The following MARCHF11 variants were observed in gnomAD, a reference collection of about 807,000 sequenced individuals.
MARCHF11 encodes E3 ubiquitin-protein ligase MARCHF11.
In MARCHF11, 29 loss-of-function variants were observed where a neutral mutation model predicts 37.3. The observed-to-expected ratio is 0.78, with a 90% CI of 0.58 to 1.06. MARCHF11 has a LOEUF of 1.06. MARCHF11 is among the 50% of genes least tolerant of loss of function. The probability of loss-of-function intolerance (pLI) is 0.00; values close to 1 mark genes in which losing one functional copy is unlikely to be tolerated. For missense variants in MARCHF11, 482 were observed against 533.4 expected (o/e 0.90, Z 0.95); for synonymous variants, 233 against 228.0 (o/e 1.02, Z -0.20).
At chr5:16,106,547 A>G (rs982909398) in intron 2 of MARCHF11, among the ~76,000 whole-genome samples, 2 of 152,152 alleles carry the variant, frequency 1.3e-5, no homozygotes, top group East Asian at 3.9e-4. Flanking sequence ...CTTTCTTTAC[A>G]TGAGTGACTT....
Position 16,153,701 on chromosome 5 carries a change from C to T in MARCHF11, c.693+24025G>A, listed in dbSNP as rs73044677. 3.3e-3 allele frequency among the ~76,000 whole-genome samples: 497 copies of T among 151,994 alleles called. 1 individual carries two copies. Among genetic ancestry groups the T allele is most frequent in the African/African-American group, 0.01 (435 of 41,518 alleles). ...TGGCTTAACATCTATTTATCCTTTC[C>T]TTAGTAAAAACAAACAACAAAATCC... On this transcript the variant is annotated intron_variant, in intron 2 of 3. Transcript: ENST00000332432.
intron 3 of MARCHF11, among the ~76,000 whole-genome samples, chr5:16,069,785 G>C (rs574962647): frequency 2.0e-5 from 3 of 152,104 alleles, no homozygotes; most frequent in Non-Finnish European, 4.4e-5. Flanking sequence ...TAAGTGTTTT[G>C]AGCATGTTTT....
chr5:16,151,821 C>T, intron 2 of MARCHF11, among the ~76,000 whole-genome samples: 1 of 151,838 alleles, frequency 6.6e-6, no homozygotes, highest in African/African-American at 2.4e-5. Context: ...TCCAAGCTCC[C>T]ATTAAGCAAA....
chr5:16,098,287 C>T (rs1447725513), intron 2 of MARCHF11, among the ~76,000 whole-genome samples: 1 of 152,128 alleles, frequency 6.6e-6, no homozygotes, highest in Non-Finnish European at 1.5e-5. Flanking sequence ...TCTATTCGAC[C>T]TTGCACTGGG....
chr5:16,161,569 C>T (rs930247007), intron 2 of MARCHF11, among the ~76,000 whole-genome samples: 8 of 151,880 alleles, frequency 5.3e-5, no homozygotes, highest in Admixed American at 4.6e-4. Context: ...AGAATCTTCA[C>T]CCTTCAAAAC....
chr5:16,148,371 ATTTTCCTCGTCTCTTTC>A (rs1737840186), intron 2 of MARCHF11, among the ~76,000 whole-genome samples: 1 of 152,048 alleles, frequency 6.6e-6, no homozygotes, highest in Non-Finnish European at 1.5e-5. Context: ...GCTACATGGG[ATTTTCCTCGTCTCTTTC>A]CTTCTTTCCT....
At chr5:16,072,079 C>T (rs1183598825) in intron 3 of MARCHF11, among the ~76,000 whole-genome samples, 2 of 152,096 alleles carry the variant, frequency 1.3e-5, no homozygotes, top group African/African-American at 4.8e-5. Context: ...CCTGCCTCAG[C>T]CTCCTGAGTA....
At chr5:16,107,759 G>A (rs1737068445) in intron 2 of MARCHF11, among the ~76,000 whole-genome samples, 1 of 151,974 alleles carries the variant, frequency 6.6e-6, no homozygotes, top group Non-Finnish European at 1.5e-5. Context: ...GAGATGAGGA[G>A]ACAAGCAGAC....
chr5:16,078,819 G>C (rs1328214455), intron 3 of MARCHF11, among the ~76,000 whole-genome samples: 2 of 152,116 alleles, frequency 1.3e-5, no homozygotes, highest in Non-Finnish European at 2.9e-5. Flanking sequence ...CCATTCCCAT[G>C]TTGATTTGGC....
chr5:16,107,551 C>G (rs10059842), intron 2 of MARCHF11, among the ~76,000 whole-genome samples: 8,443 of 152,094 alleles, frequency 0.056, 671 homozygotes, highest in African/African-American at 0.18. Flanking sequence ...AAATGTGATA[C>G]AGACAGGAGA....
chr5:16,106,863 A>T lies in MARCHF11; in HGVS notation c.694-15782T>A, dbSNP rs190823000. On this transcript the variant is annotated intron_variant, in intron 2 of 3. Coordinates refer to ENST00000332432, the MANE Select transcript of MARCHF11 (RefSeq NM_001102562.3). ...AACCCTGTTCCAGTCTATCACACACAAAGACTAAAACAGGTGCTGTGTTTG... is the reference window on the plus strand; with the variant it reads ...AACCCTGTTCCAGTCTATCACACACTAAGACTAAAACAGGTGCTGTGTTTG... Among the ~76,000 whole-genome samples the T allele has an allele frequency of 2.2e-3, 338 of 152,292 alleles. 5 individuals carry two copies. Among genetic ancestry groups the T allele is most frequent in the Non-Finnish European group, 3.4e-3 (234 of 68,022 alleles).
At chr5:16,107,925 C>G (rs1314593289) in intron 2 of MARCHF11, among the ~76,000 whole-genome samples, 1 of 152,058 alleles carries the variant, frequency 6.6e-6, no homozygotes, top group African/African-American at 2.4e-5. Context: ...TTCCAGCTCC[C>G]CATCTATCCT....
intron 2 of MARCHF11, among the ~76,000 whole-genome samples, chr5:16,144,407 C>T (rs1364397201): frequency 1.3e-5 from 2 of 152,160 alleles, no homozygotes; most frequent in African/African-American, 4.8e-5. Flanking sequence ...CAGCCATCAG[C>T]AGGTCCTCCC....
chr5:16,079,353 T>G (rs1311921129), intron 3 of MARCHF11, among the ~76,000 whole-genome samples: 1 of 152,200 alleles, frequency 6.6e-6, no homozygotes, highest in Non-Finnish European at 1.5e-5. Flanking sequence ...CTTTTCCCAA[T>G]GCACCACCTT....
intron 2 of MARCHF11, among the ~76,000 whole-genome samples, chr5:16,128,778 C>T (rs7716042): frequency 2.0e-5 from 3 of 152,214 alleles, no homozygotes; most frequent in African/African-American, 7.2e-5. Flanking sequence ...GTGTGTGTGA[C>T]AACACCATTT....
At chr5:16,149,627 T>C (rs535158441) in intron 2 of MARCHF11, among the ~76,000 whole-genome samples, 1 of 152,216 alleles carries the variant, frequency 6.6e-6, no homozygotes, top group Admixed American at 6.5e-5. Context: ...AAGAAATGCA[T>C]TTCCCTGCCT....
At chr5:16,125,555 A>G (rs562306762) in intron 2 of MARCHF11, among the ~76,000 whole-genome samples, 3 of 151,874 alleles carry the variant, frequency 2.0e-5, no homozygotes, top group African/African-American at 7.3e-5. Context: ...TTTTAAAGGC[A>G]GCCAAGACCT....
chr5:16,116,367 T>G (rs892961521), intron 2 of MARCHF11, among the ~76,000 whole-genome samples: 1 of 152,160 alleles, frequency 6.6e-6, no homozygotes, highest in Non-Finnish European at 1.5e-5. Context: ...TCCAATCCCA[T>G]GCTCTATCTA....
chr5:16,081,518 C>T (rs186379703), intron 3 of MARCHF11, among the ~76,000 whole-genome samples: 7 of 152,322 alleles, frequency 4.6e-5, no homozygotes, highest in South Asian at 4.1e-4. Context: ...CAAACACAGG[C>T]GGTGGACTGG....
Sources: gnomAD v4.1 joint callset for allele counts (sites outside exome capture counted in the v4.1 genomes callset) on GRCh38, gnomAD v4.1.1 for gene constraint, MANE v1.5 for transcripts, NCBI Gene and HGNC (gene_info 2026-07-23, HGNC 2026-07-21) for gene names.